HS3ST2: variants seen among roughly 807,000 people sequenced by gnomAD.
The protein encoded by HS3ST2 is heparan sulfate-glucosamine 3-sulfotransferase 2, also known as heparan sulfate glucosamine 3-O-sulfotransferase 2.
HS3ST2 carries 17 observed loss-of-function variants against 26.3 expected under a neutral mutation model. The ratio of observed to expected loss-of-function variants is 0.65; its 90% CI spans 0.44 to 0.97. HS3ST2 has a LOEUF of 0.97. HS3ST2 is among the 50% of genes least tolerant of loss of function. HS3ST2 has a pLI of 0.00. For missense variants in HS3ST2, 402 were observed against 501.2 expected (o/e 0.80, Z 1.89); for synonymous variants, 237 against 219.2 (o/e 1.08, Z -0.72).
chr16:22,821,022 A>C lies in HS3ST2; in HGVS notation c.485+5927A>C, dbSNP rs1397695991. 5.9e-5 allele frequency among the ~76,000 whole-genome samples: 9 copies of C among 152,126 alleles called. No individual in the cohort carries two copies. In the East Asian group the frequency reaches 1.7e-3, roughly 29 times the overall value. ...TAACCTGGACTCTCTGGACCTTCCA[A>C]AGAGCCAGTGACTAGACCCTGCTTC... On this transcript the variant is annotated intron_variant, in intron 1 of 1. Transcript: ENST00000261374.
intron 1 of HS3ST2, among the ~76,000 whole-genome samples, chr16:22,867,299 T>G (rs573036922): frequency 6.6e-6 from 1 of 152,282 alleles, no homozygotes; most frequent in South Asian, 2.1e-4. Context: ...ATGGAACCAC[T>G]TTTTAAGTTA....
chr16:22,912,975 A>G (rs1170914154), intron 1 of HS3ST2, among the ~76,000 whole-genome samples: 1 of 151,684 alleles, frequency 6.6e-6, no homozygotes, highest in South Asian at 2.1e-4. Context: ...TAGGATTGGG[A>G]AAGGTGTTTC....
intron 1 of HS3ST2, among the ~76,000 whole-genome samples, chr16:22,837,831 C>T (rs1309715311): frequency 3.3e-5 from 5 of 151,770 alleles, no homozygotes; most frequent in Non-Finnish European, 4.4e-5. Context: ...TTTTACTATA[C>T]TCGTTCTTCT....
chr16:22,847,348 T>A (rs1174793047), intron 1 of HS3ST2, among the ~76,000 whole-genome samples: 1 of 152,196 alleles, frequency 6.6e-6, no homozygotes. Context: ...CCATGGTGTA[T>A]ATATATACCA....
At chr16:22,867,440 A>G (rs544311740) in intron 1 of HS3ST2, among the ~76,000 whole-genome samples, 1 of 152,368 alleles carries the variant, frequency 6.6e-6, no homozygotes, top group African/African-American at 2.4e-5. Context: ...GCAGCCAGCA[A>G]AATGGGTAAT....
intron 1 of HS3ST2, among the ~76,000 whole-genome samples, chr16:22,860,025 C>G (rs1390484671): frequency 6.6e-6 from 1 of 152,148 alleles, no homozygotes; most frequent in Non-Finnish European, 1.5e-5. Flanking sequence ...GTACTCAGCC[C>G]TCTTACTGGA....
chr16:22,890,004 T>C (rs1368881312), intron 1 of HS3ST2, among the ~76,000 whole-genome samples: 1 of 152,232 alleles, frequency 6.6e-6, no homozygotes, highest in Non-Finnish European at 1.5e-5. Flanking sequence ...AGTTAACCAG[T>C]GAATACTTTC....
rs554916642 is a variant in HS3ST2 at position 22,870,636 on chromosome 16, G to A, written c.486-44308G>A. 7.2e-5 allele frequency among the ~76,000 whole-genome samples: 11 copies of A among 152,136 alleles called. No homozygotes were observed. The South Asian group carries it at 1.0e-3, about 14-fold the overall frequency. ...AACACTGGCTTCCTCCCTGTCCCCCGGAAACACCAGGTGCATTCTCACCTT... is the reference window on the plus strand; with the variant it reads ...AACACTGGCTTCCTCCCTGTCCCCCAGAAACACCAGGTGCATTCTCACCTT... On this transcript the variant is annotated intron_variant, in intron 1 of 1. Coordinates refer to ENST00000261374, the MANE Select transcript of HS3ST2 (RefSeq NM_006043.2).
chr16:22,887,626 T>A (rs910143374), intron 1 of HS3ST2, among the ~76,000 whole-genome samples: 1 of 152,168 alleles, frequency 6.6e-6, no homozygotes, highest in Admixed American at 6.5e-5. Flanking sequence ...CAGACACGAT[T>A]GGTGCTTGGC....
At chr16:22,905,894 C>G (rs1011146254) in intron 1 of HS3ST2, among the ~76,000 whole-genome samples, 2 of 152,198 alleles carry the variant, frequency 1.3e-5, no homozygotes, top group Non-Finnish European at 2.9e-5. Context: ...TATTCTTGAA[C>G]TGCACCCCAA....
At chr16:22,868,107 T>C (rs1269072940) in intron 1 of HS3ST2, among the ~76,000 whole-genome samples, 2 of 152,062 alleles carry the variant, frequency 1.3e-5, no homozygotes, top group Non-Finnish European at 1.5e-5. Context: ...AATAAGAACA[T>C]TAAAAGTCTG....
intron 1 of HS3ST2, among the ~76,000 whole-genome samples, chr16:22,834,901 CA>C (rs1901230679): frequency 1.3e-5 from 2 of 152,026 alleles, no homozygotes; most frequent in Admixed American, 1.3e-4. Context: ...ATTTATTAGC[CA>C]TTTGCATTCA....
At chr16:22,840,573 A>G (rs1901337487) in intron 1 of HS3ST2, among the ~76,000 whole-genome samples, 1 of 152,052 alleles carries the variant, frequency 6.6e-6, no homozygotes. Flanking sequence ...TAGTAGTGAC[A>G]GGGTTTTGCC....
chr16:22,884,859 T>C (rs867974544), intron 1 of HS3ST2, among the ~76,000 whole-genome samples: 1 of 148,976 alleles, frequency 6.7e-6, no homozygotes, highest in Non-Finnish European at 1.5e-5. Flanking sequence ...TTTTTTTTTT[T>C]AAACAGAGTC....
chr16:22,840,659 G>T (rs1901338389), intron 1 of HS3ST2, among the ~76,000 whole-genome samples: 2 of 152,102 alleles, frequency 1.3e-5, no homozygotes, highest in African/African-American at 4.8e-5. Flanking sequence ...CAGGCTTCTG[G>T]CTGCACTGGG....
At position 22,915,284 on chromosome 16, in the gene HS3ST2, C is replaced by T. The variant is rs1319192100; in HGVS notation, c.826C>T (p.Arg276Ter). 4 of 1,614,050 alleles carry T rather than the reference C, an allele frequency of 2.5e-6. No individual in the cohort carries two copies. The highest frequency in any genetic ancestry group is 3.4e-6 in the Non-Finnish European group (4 of 1,180,028). Reference protein sequence around the residue: ...LAQIHFVSGERLITDPAGEMG... With the variant: ...LAQIHFVSGE ...TCAGATTCACTTCGTCAGTGGCGAG[C>T]GACTCATCACTGACCCGGCCGGCGA... Residue 276 changes from arginine (R) to a stop codon, truncating the protein, a stop_gained, in exon 2 of 2, where the codon CGA becomes TGA. Coordinates refer to ENST00000261374, the MANE Select transcript of HS3ST2 (RefSeq NM_006043.2). LOFTEE classifies it high-confidence loss of function.
At chr16:22,913,123 A>AAAGGAAGGAAGG (rs1159183388) in intron 1 of HS3ST2, among the ~76,000 whole-genome samples, 2,702 of 93,984 alleles carry the variant, frequency 0.029, 141 homozygotes, top group South Asian at 0.042. Context: ...GAGAAGAAAG[A>AAAGGAAGGAAGG]AAGGAAGGAA....
chr16:22,840,685 A>G (rs1481593818), intron 1 of HS3ST2, among the ~76,000 whole-genome samples: 1 of 152,166 alleles, frequency 6.6e-6, no homozygotes, highest in Non-Finnish European at 1.5e-5. Flanking sequence ...GCAGCAGTTT[A>G]TACAGCTACA....
At chr16:22,911,530 A>G (rs138942708) in intron 1 of HS3ST2, among the ~76,000 whole-genome samples, 46 of 152,300 alleles carry the variant, frequency 3.0e-4, no homozygotes, top group African/African-American at 1.1e-3. Flanking sequence ...TCTGAGACCA[A>G]ATTGTTAGCA....
Sources: gnomAD v4.1 joint callset for allele counts (sites outside exome capture counted in the v4.1 genomes callset) on GRCh38, gnomAD v4.1.1 for gene constraint, MANE v1.5 for transcripts, NCBI Gene and HGNC (gene_info 2026-07-23, HGNC 2026-07-21) for gene names.